DPP10: variants seen among roughly 807,000 people sequenced by gnomAD.
DPP10 encodes the protein inactive dipeptidyl peptidase 10.
Under a neutral mutation model 120.9 loss-of-function variants are expected in DPP10, and 33 were observed. The ratio of observed to expected loss-of-function variants is 0.27; its 90% confidence interval spans 0.21 to 0.37. DPP10 has a LOEUF of 0.37. DPP10 is among the 10% of genes least tolerant of loss of function. DPP10 has a pLI of 1.00. For missense variants in DPP10, 816 were observed against 942.8 expected (o/e 0.87, Z 1.76); for synonymous variants, 337 against 326.1 (o/e 1.03, Z -0.36).
At chr2:114,632,426 G>A (rs183018034) in intron 1 of DPP10, among the ~76,000 whole-genome samples, 20 of 146,306 alleles carry the variant, frequency 1.4e-4, no homozygotes, top group African/African-American at 5.0e-4. Flanking sequence ...TTATCAGAGA[G>A]TTTTTCTCTA....
intron 3 of DPP10, among the ~76,000 whole-genome samples, chr2:115,481,253 A>G (rs868507385): frequency 1.6e-4 from 25 of 152,214 alleles, no homozygotes; most frequent in Middle Eastern, 3.4e-3. Flanking sequence ...TCCATCATAG[A>G]ACAGTATTAG....
At chr2:115,539,043 T>G (rs2079033070) in intron 5 of DPP10, among the ~76,000 whole-genome samples, 1 of 151,938 alleles carries the variant, frequency 6.6e-6, no homozygotes, top group Non-Finnish European at 1.5e-5. Flanking sequence ...TATGCTGGGT[T>G]TGGGTTACAT....
At chr2:114,618,446 A>G (rs1013749139) in intron 1 of DPP10, among the ~76,000 whole-genome samples, 1 of 152,172 alleles carries the variant, frequency 6.6e-6, no homozygotes, top group African/African-American at 2.4e-5. Flanking sequence ...TTACCATCAT[A>G]CAGATATAAT....
intron 1 of DPP10, among the ~76,000 whole-genome samples, chr2:114,754,912 T>C (rs1209456398): frequency 6.6e-6 from 1 of 152,168 alleles, no homozygotes; most frequent in Non-Finnish European, 1.5e-5. Flanking sequence ...GCTAAATAAA[T>C]GGCCTGGCAA....
intron 1 of DPP10, among the ~76,000 whole-genome samples, chr2:115,143,206 T>C (rs1021322451): frequency 2.0e-5 from 3 of 152,186 alleles, no homozygotes; most frequent in Non-Finnish European, 4.4e-5. Flanking sequence ...TGAGGCTGGC[T>C]GAAGTGGCCC....
chr2:115,513,808 G>A (rs1165443499), intron 4 of DPP10, among the ~76,000 whole-genome samples: 2 of 151,956 alleles, frequency 1.3e-5, no homozygotes, highest in East Asian at 1.9e-4. Context: ...AAGCAAATGT[G>A]TTTATGTTTT....
chr2:115,114,937 A>G (rs932647326), intron 1 of DPP10, among the ~76,000 whole-genome samples: 11 of 152,006 alleles, frequency 7.2e-5, no homozygotes, highest in Non-Finnish European at 1.6e-4. Context: ...GATAAGAATA[A>G]AGAAAATCCA....
At chr2:114,672,322 T>C (rs1698397168) in intron 1 of DPP10, among the ~76,000 whole-genome samples, 2 of 152,184 alleles carry the variant, frequency 1.3e-5, no homozygotes, top group African/African-American at 2.4e-5. Flanking sequence ...AATAATGTCA[T>C]ATTTTCTTTC....
At chr2:115,210,089 T>C (rs1396005645) in intron 1 of DPP10, among the ~76,000 whole-genome samples, 1 of 152,160 alleles carries the variant, frequency 6.6e-6, no homozygotes, top group East Asian at 1.9e-4. Flanking sequence ...GCTACGTATG[T>C]ATACATGTGC....
chr2:115,840,908 T>C (rs533670946), intron 25 of DPP10, 85 bp downstream of exon 25: 249 of 1,069,940 alleles, frequency 2.3e-4, no homozygotes, highest in Middle Eastern at 1.2e-3. Flanking sequence ...TATTATTCCA[T>C]TCTCCCTACT....
intron 5 of DPP10, among the ~76,000 whole-genome samples, chr2:115,674,598 T>C (rs2090135060): frequency 6.6e-6 from 1 of 152,158 alleles, no homozygotes; most frequent in African/African-American, 2.4e-5. Context: ...GTTGGTTTTG[T>C]TGAGCTTCAG....
At chr2:114,514,691 G>C (rs1573538657) in intron 1 of DPP10, among the ~76,000 whole-genome samples, 1 of 152,032 alleles carries the variant, frequency 6.6e-6, no homozygotes, top group African/African-American at 2.4e-5. Flanking sequence ...AGAAGAGTGG[G>C]AAAGGCCTTT....
chr2:114,834,457 A>G (rs897401967), intron 1 of DPP10, among the ~76,000 whole-genome samples: 7 of 151,762 alleles, frequency 4.6e-5, no homozygotes, highest in South Asian at 2.1e-4. Flanking sequence ...CTATGTACAT[A>G]TCAGCCATAT....
chr2:114,637,267 T>C (rs988600621), intron 1 of DPP10, among the ~76,000 whole-genome samples: 8 of 152,052 alleles, frequency 5.3e-5, no homozygotes, highest in South Asian at 2.1e-4. Flanking sequence ...GATTAAGGGA[T>C]GAAAAGGGAT....
chr2:114,851,199 C>T (rs1445426057), intron 1 of DPP10, among the ~76,000 whole-genome samples: 1 of 152,094 alleles, frequency 6.6e-6, no homozygotes, highest in African/African-American at 2.4e-5. Context: ...AATTTAGGCT[C>T]ATATCATTTG....
At position 115,128,392 on chromosome 2, in the gene DPP10, C is replaced by T. The variant is rs186627014; in HGVS notation, c.61-180847C>T. On this transcript the variant is annotated intron_variant, in intron 1 of 25. Transcript: ENST00000410059. Reference sequence around the variant, plus strand: ...GCTTCCCTTAGACGCCGGAAGTGATCGCTGTTCTCCCTAATTGCAATTGCA... The same window carrying T: ...GCTTCCCTTAGACGCCGGAAGTGATTGCTGTTCTCCCTAATTGCAATTGCA... 1.4e-4 allele frequency among the ~76,000 whole-genome samples: 21 copies of T among 152,290 alleles called. No individual in the cohort carries two copies. The South Asian group carries it at 1.4e-3, about 11-fold the overall frequency.
At chr2:115,529,252 C>T (rs1434890993) in intron 5 of DPP10, among the ~76,000 whole-genome samples, 1 of 151,966 alleles carries the variant, frequency 6.6e-6, no homozygotes, top group East Asian at 1.9e-4. Flanking sequence ...TCACTGCAAC[C>T]TCCACCTCCC....
chr2:115,006,317 C>T (rs1440022152), intron 1 of DPP10, among the ~76,000 whole-genome samples: 2 of 151,630 alleles, frequency 1.3e-5, no homozygotes, highest in Middle Eastern at 3.4e-3. Flanking sequence ...AACTAACGAG[C>T]AAAATAACCA....
chr2:114,966,245 C>A (rs1313538248), intron 1 of DPP10, among the ~76,000 whole-genome samples: 1 of 152,120 alleles, frequency 6.6e-6, no homozygotes, highest in Non-Finnish European at 1.5e-5. Flanking sequence ...CTTGCCCAAA[C>A]TCACGTTAAA....
Sources: allele counts gnomAD v4.1 joint callset (sites outside exome capture counted in the v4.1 genomes callset), GRCh38; gene constraint gnomAD v4.1.1; transcripts MANE v1.5; gene names NCBI Gene and HGNC (gene_info 2026-07-23, HGNC 2026-07-21).